Variants in HECW2 observed in about 807,000 individuals in gnomAD.
HECW2 encodes the protein E3 ubiquitin-protein ligase HECW2.
Under a neutral mutation model 175.2 loss-of-function variants are expected in HECW2, and 61 were observed. The ratio of observed to expected loss-of-function variants is 0.35; its 90% CI spans 0.28 to 0.43. The LOEUF (loss-of-function observed/expected upper bound fraction) is 0.43, where lower values mean the gene tolerates loss of function less well. HECW2 is among the 20% of genes least tolerant of loss of function. The pLI, the probability that HECW2 is intolerant of heterozygous loss-of-function variation, is 1.00. For synonymous variants in HECW2, 671 were observed against 731.0 expected, an observed-to-expected ratio of 0.92 and a Z score of 1.32; for missense variants, 1,524 against 2,000.5, an observed-to-expected ratio of 0.76 and a Z score of 4.54.
intron 1 of HECW2, among the ~76,000 whole-genome samples, chr2:196,465,696 C>G (rs1696923819): frequency 6.7e-6 from 1 of 150,100 alleles, no homozygotes; most frequent in East Asian, 2.0e-4. Flanking sequence ...CCTAACTGTG[C>G]CATGCAAATA....
intron 18 of HECW2, among the ~76,000 whole-genome samples, chr2:196,254,279 T>C (rs904130323): frequency 1.3e-5 from 2 of 152,202 alleles, no homozygotes; most frequent in South Asian, 2.1e-4. Flanking sequence ...TTTCAACATA[T>C]GAGTTTGAGT....
chr2:196,508,638 C>A (rs536881027), intron 1 of HECW2, among the ~76,000 whole-genome samples: 34 of 152,226 alleles, frequency 2.2e-4, no homozygotes, highest in African/African-American at 7.7e-4. Context: ...GTGAAGTATG[C>A]AAATCACTCC....
At chr2:196,497,183 G>C (rs1575606583) in intron 1 of HECW2, among the ~76,000 whole-genome samples, 1 of 152,160 alleles carries the variant, frequency 6.6e-6, no homozygotes, top group South Asian at 2.1e-4. Context: ...TGCTAAAAAT[G>C]TTTAGACCAA....
chr2:196,574,402 T>C (rs556505653), intron 1 of HECW2, among the ~76,000 whole-genome samples: 6 of 151,216 alleles, frequency 4.0e-5, no homozygotes, highest in South Asian at 2.1e-4. Flanking sequence ...TGCACTCCAG[T>C]GTGGGCGATA....
At chr2:196,302,490 T>C (rs985547015) in intron 13 of HECW2, among the ~76,000 whole-genome samples, 1 of 152,238 alleles carries the variant, frequency 6.6e-6, no homozygotes, top group Non-Finnish European at 1.5e-5. Context: ...GCACTGAATC[T>C]ATAAATTACT....
chr2:196,415,338 CA>C (rs1195253249), intron 2 of HECW2, among the ~76,000 whole-genome samples: 1 of 152,098 alleles, frequency 6.6e-6, no homozygotes, highest in Non-Finnish European at 1.5e-5. Context: ...GCATTTCTAC[CA>C]ACAAAAACAG....
Position 196,384,803 on chromosome 2 carries a change from A to C in HECW2, c.293-41039T>G, listed in dbSNP as rs185946247. Among the ~76,000 whole-genome samples the C allele has an allele frequency of 2.2e-3, 331 of 152,316 alleles. 3 individuals are homozygous for C. Among genetic ancestry groups the C allele is most frequent in the African/African-American group, 7.6e-3 (314 of 41,564 alleles). On this transcript the variant is annotated intron_variant, in intron 2 of 28. Coordinates refer to ENST00000644978, the MANE Select transcript of HECW2 (RefSeq NM_001348768.2). Reference sequence around the variant, plus strand: ...TCTTTAGCATGCTTTATAAAATGTTAATCACTTCTCCTAAATACTTTTATT... The same window carrying C: ...TCTTTAGCATGCTTTATAAAATGTTCATCACTTCTCCTAAATACTTTTATT...
intron 1 of HECW2, among the ~76,000 whole-genome samples, chr2:196,489,241 T>C (rs1687108082): frequency 6.6e-6 from 1 of 152,216 alleles, no homozygotes; most frequent in Non-Finnish European, 1.5e-5. Context: ...TAGTGCTTTG[T>C]TTTTATGCTA....
intron 18 of HECW2, among the ~76,000 whole-genome samples, chr2:196,256,128 A>G (rs528895112): frequency 6.6e-6 from 1 of 152,312 alleles, no homozygotes; most frequent in East Asian, 1.9e-4. Flanking sequence ...TTTTTCAATA[A>G]TCACTAATTA....
chr2:196,246,041 G>A (rs1009049061), intron 19 of HECW2, among the ~76,000 whole-genome samples: 1 of 152,322 alleles, frequency 6.6e-6, no homozygotes, highest in South Asian at 2.1e-4. Flanking sequence ...TCCCTTATAA[G>A]AAGGTCAAAC....
intron 1 of HECW2, among the ~76,000 whole-genome samples, chr2:196,498,204 A>G (rs1687461988): frequency 6.6e-6 from 1 of 152,248 alleles, no homozygotes; most frequent in Non-Finnish European, 1.5e-5. Context: ...TGAAACTTAT[A>G]TAAATCTCAG....
chr2:196,220,771 C>A, intron 25 of HECW2, 24 bp downstream of exon 25: 1 of 1,613,254 alleles, frequency 6.2e-7, no homozygotes, highest in Admixed American at 1.7e-5. Flanking sequence ...ACTGCAAACT[C>A]CTCCTACTGC....
chr2:196,319,083 G>T lies in HECW2; in HGVS notation c.1807C>A (p.Gln603Lys). 6.2e-7 allele frequency: 1 copy of T among 1,606,066 alleles called. No individual in the cohort carries two copies. Residue 603 changes from glutamine (Q) to lysine (K), a missense_variant, in exon 9 of 29, where the codon CAG becomes AAG. Coordinates refer to ENST00000644978, the MANE Select transcript of HECW2 (RefSeq NM_001348768.2). ...GACACCTGGGAAGGCTCAGAGCCCT[G>T]ATCGAGAGACTCGGTCTCACTGACG... is the stretch of plus-strand genomic sequence containing the variant. ...RAVSETESLDQGSEPSQVSSE... is the reference protein window; with the variant it reads ...RAVSETESLDKGSEPSQVSSE...
intron 1 of HECW2, among the ~76,000 whole-genome samples, chr2:196,545,351 A>C (rs968810151): frequency 6.6e-6 from 1 of 152,158 alleles, no homozygotes; most frequent in Admixed American, 6.5e-5. Context: ...GCTGGAACAC[A>C]CTGAGGGCCA....
chr2:196,541,947 A>G (rs114303404), intron 1 of HECW2, among the ~76,000 whole-genome samples: 1,825 of 152,180 alleles, frequency 0.012, 40 homozygotes, highest in African/African-American at 0.042. Flanking sequence ...AGGACAAACA[A>G]AAGAAATGGA....
In HECW2 at chr2:196,278,128, T is replaced by TA. The variant is rs1177192407; in HGVS notation, c.3135+399dup. 2.8e-3 allele frequency among the ~76,000 whole-genome samples: 86 copies of TA among 30,214 alleles called. 6 individuals carry two copies. Among genetic ancestry groups the TA allele is most frequent in the African/African-American group, 5.0e-3 (80 of 15,928 alleles). The allele number at this position is 30,214 out of a possible 152,430, so 19.8% of individuals were successfully genotyped here. On this transcript the variant is annotated intron_variant, in intron 15 of 28. Coordinates refer to ENST00000644978, the MANE Select transcript of HECW2 (RefSeq NM_001348768.2). ...TGTACCCTAGAACTTAAAGTATAAT[T>TA]AAAAAATATATATATATATATATAA...
intron 13 of HECW2, among the ~76,000 whole-genome samples, chr2:196,301,029 C>T (rs1399182069): frequency 2.0e-5 from 3 of 151,948 alleles, no homozygotes; most frequent in South Asian, 2.1e-4. Context: ...TCGCCCTCTC[C>T]CTACCCCACC....
chr2:196,265,667 G>A (rs1412410202), intron 17 of HECW2, among the ~76,000 whole-genome samples: 2 of 152,032 alleles, frequency 1.3e-5, no homozygotes, highest in African/African-American at 2.4e-5. Flanking sequence ...AAGAAGTGAA[G>A]GGCACACTAC....
At chr2:196,535,317 A>C (rs1230102325) in intron 1 of HECW2, among the ~76,000 whole-genome samples, 1 of 152,228 alleles carries the variant, frequency 6.6e-6, no homozygotes, top group Non-Finnish European at 1.5e-5. Flanking sequence ...TTACCATGCT[A>C]GTTTTGTTAT....
Sources: allele counts gnomAD v4.1 joint callset (sites outside exome capture counted in the v4.1 genomes callset), GRCh38; gene constraint gnomAD v4.1.1; transcripts MANE v1.5; gene names NCBI Gene and HGNC (gene_info 2026-07-23, HGNC 2026-07-21).